RAF1: variants seen among roughly 807,000 people sequenced by gnomAD.
RAF1 encodes the protein Raf-1 proto-oncogene, serine/threonine kinase, also known as RAF proto-oncogene serine/threonine-protein kinase.
RAF1 carries 27 observed loss-of-function variants against 81.1 expected under a neutral mutation model. That is an observed-to-expected ratio of 0.33 (90% CI 0.25 to 0.46). The LOEUF (loss-of-function observed/expected upper bound fraction) is 0.46, where lower values mean the gene tolerates loss of function less well. RAF1 is among the 20% of genes least tolerant of loss of function. RAF1 has a pLI of 1.00. For synonymous variants in RAF1, 298 were observed against 294.0 expected, an observed-to-expected ratio of 1.01 and a Z score of -0.14; for missense variants, 598 against 826.0, an observed-to-expected ratio of 0.72 and a Z score of 3.38.
intron 1 of RAF1, among the ~76,000 whole-genome samples, chr3:12,655,007 C>CCCT (rs1553624751): frequency 6.7e-6 from 1 of 148,446 alleles, no homozygotes; most frequent in Non-Finnish European, 1.5e-5. Context: ...GAGACCCCCC[C>CCCT]CCCGCCATCT....
At chr3:12,591,050 G>C (rs932105563) in intron 12 of RAF1, 76 bp from the exon 12 acceptor site, 17 of 1,395,254 alleles carry the variant, frequency 1.2e-5, no homozygotes, top group Non-Finnish European at 1.7e-5. Flanking sequence ...CCCGTGGACA[G>C]TGGGTTCTGT....
intron 10 of RAF1, 122 bp from the exon 10 acceptor site, chr3:12,599,930 C>T: frequency 8.4e-7 from 1 of 1,184,410 alleles, no homozygotes; most frequent in South Asian, 1.2e-5. Flanking sequence ...AACATATTAA[C>T]CATACTTCCA....
Position 12,585,138 on chromosome 3 carries a change from A to G in RAF1, c.1712T>C (p.Ile571Thr). ...CAGACTTACCTGATCTCGGTTGTTG[A>G]TGTGAGAATAAGGAAGCTCCCCCGT... Residue 571 changes from isoleucine (I) to threonine (T), a missense_variant, in exon 16 of 18, where the codon ATC becomes ACC. By Grantham distance (89) the Ile-to-Thr change is moderately conservative. Transcript: ENST00000442415. 1 of 1,614,088 alleles carries G rather than the reference A, an allele frequency of 6.2e-7. No homozygotes were observed. The highest frequency in any genetic ancestry group is 8.5e-7 in the Non-Finnish European group (1 of 1,180,012).
Position 12,640,189 on chromosome 3 carries a change from C to T in RAF1, c.-26-21442G>A, listed in dbSNP as rs534617359. Reference sequence around the variant, plus strand: ...ATATGTAGAAACTGAAACTGGATCCCTTCCTTACATCTTATACAAAAATTA... The same window carrying T: ...ATATGTAGAAACTGAAACTGGATCCTTTCCTTACATCTTATACAAAAATTA... On this transcript the variant is annotated intron_variant, in intron 1 of 17. Transcript: ENST00000442415. Among the ~76,000 whole-genome samples the T allele has an allele frequency of 1.3e-5, 2 of 152,200 alleles. 1 individual carries two copies. The highest frequency in any genetic ancestry group is 4.1e-4 in the South Asian group (2 of 4,830).
intron 1 of RAF1, among the ~76,000 whole-genome samples, chr3:12,648,358 C>T (rs1251600290): frequency 6.7e-6 from 1 of 149,332 alleles, no homozygotes; most frequent in East Asian, 1.9e-4. Context: ...GAAACACTAA[C>T]AATTTCCACA....
At chr3:12,592,619 A>C (rs73130325) in intron 11 of RAF1, among the ~76,000 whole-genome samples, 1 of 151,854 alleles carries the variant, frequency 6.6e-6, no homozygotes, top group South Asian at 2.1e-4. Flanking sequence ...TTGCTATTCT[A>C]CCTATAACAC....
At chr3:12,637,278 T>G (rs1350884990) in intron 1 of RAF1, among the ~76,000 whole-genome samples, 1 of 152,028 alleles carries the variant, frequency 6.6e-6, no homozygotes, top group Non-Finnish European at 1.5e-5. Flanking sequence ...TTCACGAACT[T>G]CCAGAAACTG....
chr3:12,650,403 C>T (rs2060486127), intron 1 of RAF1, among the ~76,000 whole-genome samples: 1 of 152,088 alleles, frequency 6.6e-6, no homozygotes, highest in Non-Finnish European at 1.5e-5. Flanking sequence ...TTGTTATAAT[C>T]CATCATCCAG....
intron 2 of RAF1, among the ~76,000 whole-genome samples, chr3:12,617,851 C>T (rs1477259964): frequency 1.4e-5 from 2 of 145,266 alleles, no homozygotes; most frequent in African/African-American, 5.1e-5. Context: ...TGCACTCCAG[C>T]CTGGGTGACA....
At chr3:12,618,405 A>C in intron 2 of RAF1, 110 bp downstream of exon 2, 2 of 1,153,404 alleles carry the variant, frequency 1.7e-6, no homozygotes, top group Non-Finnish European at 2.5e-6. Context: ...AAAAAAATAA[A>C]GACCCTAAAT....
At chr3:12,627,749 G>T (rs768276090) in intron 1 of RAF1, among the ~76,000 whole-genome samples, 24 of 152,146 alleles carry the variant, frequency 1.6e-4, no homozygotes, top group Non-Finnish European at 3.2e-4. Flanking sequence ...TGACTGTTAT[G>T]GTGTAAATTC....
At chr3:12,658,218 T>C (rs943550914) in intron 1 of RAF1, among the ~76,000 whole-genome samples, 3 of 152,214 alleles carry the variant, frequency 2.0e-5, no homozygotes, top group Admixed American at 6.5e-5. Flanking sequence ...TGTACATACA[T>C]ACCCATGATC....
At chr3:12,607,949 C>CAAAAAAAA (rs58308841) in intron 5 of RAF1, among the ~76,000 whole-genome samples, 7 of 66,856 alleles carry the variant, frequency 1.0e-4, no homozygotes, top group Non-Finnish European at 1.6e-4. Context: ...GACTTGTCTC[C>CAAAAAAAA]AAAAAAAAAA....
intron 1 of RAF1, among the ~76,000 whole-genome samples, chr3:12,632,865 C>T (rs555366183): frequency 2.6e-5 from 4 of 152,258 alleles, no homozygotes; most frequent in South Asian, 4.1e-4. Flanking sequence ...AAAGTAGTCC[C>T]AGGCTTATAT....
Position 12,634,386 on chromosome 3 carries a change from G to C in RAF1, c.-26-15639C>G, listed in dbSNP as rs145484268. The stretch of plus-strand genomic sequence containing the variant: ...GGCTGGTCTCAAACTCCTGATCTCA[G>C]GTGATCCACCCGCCTCGGCCTCCCA... On this transcript the variant is annotated intron_variant, in intron 1 of 17. Transcript: ENST00000442415. Among the ~76,000 whole-genome samples, 1,082 of 151,864 alleles carry C rather than the reference G, an allele frequency of 7.1e-3. 6 individuals carry two copies. Among genetic ancestry groups the C allele is most frequent in the African/African-American group, 0.024 (1,013 of 41,428 alleles).
chr3:12,625,819 A>C (rs936820423), intron 1 of RAF1, among the ~76,000 whole-genome samples: 16 of 152,188 alleles, frequency 1.1e-4, no homozygotes, highest in African/African-American at 3.6e-4. Context: ...ACACAGTGAG[A>C]TCACTTCACA....
chr3:12,604,035 G>C (rs1294018714), intron 7 of RAF1, 101 bp downstream of exon 7: 2 of 1,333,354 alleles, frequency 1.5e-6, no homozygotes, highest in African/African-American at 2.9e-5. Flanking sequence ...AGAAAGTGTT[G>C]CAACATTCCT....
rs34585793 is a variant in RAF1, at chr3:12,648,286, T to TAAAA, written c.-27+15523_-27+15526dup. Among the ~76,000 whole-genome samples the TAAAA allele has an allele frequency of 2.4e-5, 3 of 124,186 alleles. No homozygotes were observed. The East Asian group carries it at 7.4e-4, about 31-fold the overall frequency. 81.5% of individuals were successfully genotyped at this position (124,186 alleles called of 152,430 possible). On this transcript the variant is annotated intron_variant, in intron 1 of 17. Transcript: ENST00000442415. ...TCAGATAGCCAAGTAACAGCGAAGT[T>TAAAA]AAAAAAAAAAAAAAAAAAGCTACAT...
intron 1 of RAF1, among the ~76,000 whole-genome samples, chr3:12,650,730 G>A (rs5746158): frequency 1.8e-4 from 27 of 152,252 alleles, no homozygotes; most frequent in African/African-American, 3.6e-4. Context: ...AACCACCACC[G>A]TTTAACAAAA....
Sources: allele counts gnomAD v4.1 joint callset (sites outside exome capture counted in the v4.1 genomes callset), GRCh38; gene constraint gnomAD v4.1.1; transcripts MANE v1.5; gene names NCBI Gene and HGNC (gene_info 2026-07-23, HGNC 2026-07-21).